The following LPIN1 variants were observed in gnomAD, a reference collection of about 807,000 sequenced individuals.
LPIN1 encodes the protein lipin 1, also known as phosphatidate phosphatase LPIN1.
Under a neutral mutation model 107.5 loss-of-function variants are expected in LPIN1, and 71 were observed. The ratio of observed to expected loss-of-function variants is 0.66; its 90% CI spans 0.55 to 0.80. The LOEUF is 0.80. LPIN1 is among the 30% of genes least tolerant of loss of function. LPIN1 has a pLI of 0.00. For synonymous variants in LPIN1, 445 were observed against 452.6 expected, an observed-to-expected ratio of 0.98 and a Z score of 0.21; for missense variants, 1,043 against 1,160.6, an observed-to-expected ratio of 0.90 and a Z score of 1.47.
At chr2:11,796,619 G>T (rs1676765320) in intron 14 of LPIN1, among the ~76,000 whole-genome samples, 1 of 152,066 alleles carries the variant, frequency 6.6e-6, no homozygotes, top group Non-Finnish European at 1.5e-5. Flanking sequence ...GGTGTCCCAG[G>T]TGCCTCCCCC....
At chr2:11,719,698 C>T (rs1663989464), upstream of LPIN1, among the ~76,000 whole-genome samples, 1 of 151,960 alleles carries the variant, frequency 6.6e-6, no homozygotes, top group Admixed American at 6.6e-5. Flanking sequence ...CCTTGCCTAG[C>T]ATTGTTAATG....
intron 12 of LPIN1, among the ~76,000 whole-genome samples, chr2:11,788,677 C>T (rs1034336386): frequency 2.0e-5 from 3 of 152,180 alleles, no homozygotes; most frequent in Non-Finnish European, 4.4e-5. Flanking sequence ...CAATCATGGT[C>T]GAGCGGACCG....
upstream of LPIN1, among the ~76,000 whole-genome samples, chr2:11,719,534 T>C (rs904615949): frequency 7.9e-5 from 12 of 152,234 alleles, no homozygotes; most frequent in African/African-American, 2.9e-4. Context: ...TGATGAAGTA[T>C]CTTCTCCATT....
intron 1 of LPIN1, among the ~76,000 whole-genome samples, chr2:11,754,871 G>A (rs1386534702): frequency 2.0e-5 from 3 of 152,192 alleles, no homozygotes; most frequent in African/African-American, 7.2e-5. Flanking sequence ...AGGTGTCACA[G>A]CTGTTTATTT....
intron 1 of LPIN1, among the ~76,000 whole-genome samples, chr2:11,759,138 TTTC>T (rs1445817250): frequency 7.2e-4 from 30 of 41,424 alleles, no homozygotes; most frequent in Middle Eastern, 0.018. Flanking sequence ...CTTTCTTTTC[TTTC>T]TTTCTTTCTT....
At chr2:11,736,386 C>T (rs887950096) in intron 1 of LPIN1, among the ~76,000 whole-genome samples, 1 of 152,184 alleles carries the variant, frequency 6.6e-6, no homozygotes, top group Admixed American at 6.5e-5. Flanking sequence ...AGACAGCTGC[C>T]TTCTCCCACT....
chr2:11,710,256 A>G (rs534630599), intron 1 of LPIN1, among the ~76,000 whole-genome samples: 1 of 152,274 alleles, frequency 6.6e-6, no homozygotes, highest in South Asian at 2.1e-4. Context: ...CAATATATGC[A>G]TTTATGGTGG....
intron 8 of LPIN1, among the ~76,000 whole-genome samples, chr2:11,782,894 C>T (rs1438099439): frequency 1.3e-5 from 2 of 152,190 alleles, no homozygotes; most frequent in African/African-American, 4.8e-5. Context: ...ACTGTAATTT[C>T]TGCATATCAT....
chr2:11,677,619 G>C lies in LPIN1; in HGVS notation c.-29G>C, dbSNP rs548322335. ...CATTTCTCTCCTGATGCTGGGTGAG[G>C]AGGCAGACAGCACCATACAGGGCGG... On this transcript the variant is annotated 5_prime_UTR_variant, in exon 1 of 22. Transcript: ENST00000449576. The C allele has an allele frequency of 4.9e-5, 73 of 1,490,594 alleles. 1 individual carries two copies. The South Asian group carries it at 7.7e-4, about 16-fold the overall frequency. 92.3% of individuals were successfully genotyped at this position (1,490,594 alleles called of 1,614,324 possible).
At chr2:11,764,504 A>G (rs1670472131) in intron 1 of LPIN1, among the ~76,000 whole-genome samples, 1 of 152,234 alleles carries the variant, frequency 6.6e-6, no homozygotes, top group Admixed American at 6.5e-5. Flanking sequence ...TCCAGGGGAC[A>G]GGACTTTCTT....
intron 20 of LPIN1, among the ~76,000 whole-genome samples, chr2:11,824,129 G>T (rs1682027367): frequency 6.6e-6 from 1 of 152,072 alleles, no homozygotes; most frequent in South Asian, 2.1e-4. Flanking sequence ...GGCTTAGAGA[G>T]GTTACGCCAT....
At chr2:11,788,678 G>A (rs958726734) in intron 12 of LPIN1, among the ~76,000 whole-genome samples, 1 of 152,168 alleles carries the variant, frequency 6.6e-6, no homozygotes, top group South Asian at 2.1e-4. Flanking sequence ...AATCATGGTC[G>A]AGCGGACCGA....
chr2:11,726,354 A>G (rs1664651373), intron 1 of LPIN1, among the ~76,000 whole-genome samples: 1 of 152,156 alleles, frequency 6.6e-6, no homozygotes, highest in Non-Finnish European at 1.5e-5. Flanking sequence ...TAACACCTCA[A>G]CAAACCCATA....
At chr2:11,754,171 G>A (rs1055603216) in intron 1 of LPIN1, among the ~76,000 whole-genome samples, 1 of 152,184 alleles carries the variant, frequency 6.6e-6, no homozygotes, top group African/African-American at 2.4e-5. Flanking sequence ...CAGCAGCCAG[G>A]TCTGTATCTG....
chr2:11,765,787 T>C lies in LPIN1; in HGVS notation c.192+54T>C. 2.0e-6 allele frequency: 3 copies of C among 1,493,622 alleles called. No homozygotes were observed. Among genetic ancestry groups the C allele is most frequent in the Non-Finnish European group, 9.2e-7 (1 of 1,091,402 alleles). The allele number at this position is 1,493,622 out of a possible 1,614,324, so 92.5% of individuals were successfully genotyped here. A position where few individuals can be genotyped will look rare whatever the true frequency, so the allele number is the denominator to read the frequency against. ...ACCGGCTCTCCTTAGAGAATGCCCT[T>C]GTACTCTGGTGATGCCACCTGTCTT... is the stretch of plus-strand genomic sequence containing the variant. On this transcript the variant is annotated intron_variant, in intron 2 of 20. Transcript: ENST00000674199. The surrounding 1 kb of genome is among the most constrained non-coding windows in gnomAD (Gnocchi z 4.4).
Position 11,765,659 on chromosome 2 carries a change from A to G in LPIN1, c.118A>G (p.Asn40Asp). The change falls in exon 2 of 21, where the codon AAT becomes GAT. Residue 40 changes from asparagine to aspartate, a missense_variant. By Grantham distance (23) the Asn-to-Asp change is conservative. Transcript: ENST00000674199. This position sits in a 1 kb window ranked among gnomAD's most constrained non-coding sequence, Gnocchi z 4.4. Reference protein sequence around the residue: ...CIDIIVIRQPNGNLQCSPFHV... With the variant: ...CIDIIVIRQPDGNLQCSPFHV... ...TGACATCATTGTCATCCGCCAGCCCAATGGAAACCTCCAATGCTCCCCTTT... is the reference window on the plus strand; with the variant it reads ...TGACATCATTGTCATCCGCCAGCCCGATGGAAACCTCCAATGCTCCCCTTT... 6.2e-7 allele frequency: 1 copy of G among 1,614,092 alleles called. No individual in the cohort carries two copies. Among genetic ancestry groups the G allele is most frequent in the Non-Finnish European group, 8.5e-7 (1 of 1,179,986 alleles).
At chr2:11,759,003 G>A (rs912301686) in intron 1 of LPIN1, among the ~76,000 whole-genome samples, 3 of 152,206 alleles carry the variant, frequency 2.0e-5, no homozygotes, top group Non-Finnish European at 4.4e-5. Context: ...CCTTTGTCTT[G>A]GAACGGATAG....
intron 1 of LPIN1, among the ~76,000 whole-genome samples, chr2:11,680,842 A>T (rs578226379): frequency 6.6e-6 from 1 of 152,304 alleles, no homozygotes; most frequent in East Asian, 1.9e-4. Flanking sequence ...CGAATATGTA[A>T]GACCCAGAGT....
At chr2:11,724,608 T>A in intron 1 of LPIN1, 1 of 985,512 alleles carries the variant, frequency 1.0e-6, no homozygotes. Context: ...ATGTGCCTTC[T>A]GATGGGGAGA....
Sources: allele counts gnomAD v4.1 joint callset (sites outside exome capture counted in the v4.1 genomes callset), GRCh38; gene constraint gnomAD v4.1.1; non-coding constraint Gnocchi (gnomAD v3.1); transcripts MANE v1.5; gene names NCBI Gene and HGNC (gene_info 2026-07-23, HGNC 2026-07-21).